The following SEPTIN11 variants were observed in gnomAD, a reference collection of about 807,000 sequenced individuals.
SEPTIN11 encodes the protein septin-11.
SEPTIN11 carries 25 observed loss-of-function variants against 51.4 expected under a neutral mutation model. That is an observed-to-expected ratio of 0.49 (90% CI 0.35 to 0.68). The LOEUF (loss-of-function observed/expected upper bound fraction) is 0.68, where lower values mean the gene tolerates loss of function less well. Among genes scored for constraint, SEPTIN11 ranks in the 30% least tolerant of loss-of-function variants. The pLI is 0.00. For missense variants in SEPTIN11, 381 were observed against 520.8 expected (o/e 0.73, Z 2.61); for synonymous variants, 174 against 184.1 (o/e 0.95, Z 0.44).
intron 7 of SEPTIN11, among the ~76,000 whole-genome samples, chr4:77,026,352 T>C (rs7690082): frequency 0.024 from 3,584 of 152,240 alleles, 149 homozygotes; most frequent in African/African-American, 0.082. Context: ...TCAAATCACA[T>C]GGGAAGCATT....
chr4:76,999,667 G>A (rs998703362), intron 2 of SEPTIN11, among the ~76,000 whole-genome samples: 4 of 152,200 alleles, frequency 2.6e-5, no homozygotes, highest in African/African-American at 4.8e-5. Context: ...ATAAAACAGG[G>A]CAGAAAATGG....
At chr4:76,968,291 T>G (rs1722109803) in intron 1 of SEPTIN11, among the ~76,000 whole-genome samples, 1 of 152,152 alleles carries the variant, frequency 6.6e-6, no homozygotes, top group African/African-American at 2.4e-5. Flanking sequence ...GGACCTTCCT[T>G]TAAGATGAGG....
At position 77,035,979 on chromosome 4, in the gene SEPTIN11, T is replaced by G. The variant is rs1411986217; in HGVS notation, c.*1467T>G. The G allele has an allele frequency of 1.0e-6, 1 of 985,790 alleles. No individual in the cohort carries two copies. The highest frequency in any genetic ancestry group is 1.7e-5 in the African/African-American group (1 of 57,246). The allele number at this position is 985,790 out of a possible 1,614,324, so 61.1% of individuals were successfully genotyped here. ...TGCATTTTCCTCACTGGTTAGAGAT[T>G]AAGTAAATAGGATAGAATATGCTGC... On this transcript the variant is annotated 3_prime_UTR_variant, in exon 10 of 10. Coordinates refer to ENST00000264893, the MANE Select transcript of SEPTIN11 (RefSeq NM_018243.4).
intron 1 of SEPTIN11, among the ~76,000 whole-genome samples, chr4:76,965,831 T>C (rs1451193038): frequency 2.0e-5 from 3 of 152,184 alleles, no homozygotes; most frequent in African/African-American, 7.2e-5. Flanking sequence ...CACGGTATCT[T>C]AGGATTTAAA....
intron 2 of SEPTIN11, among the ~76,000 whole-genome samples, chr4:77,005,331 C>G (rs991162359): frequency 1.3e-5 from 2 of 152,174 alleles, no homozygotes; most frequent in Non-Finnish European, 2.9e-5. Context: ...CTTACAAGTA[C>G]AATTTTTCTA....
chr4:76,991,582 A>AC (rs1309708520), intron 1 of SEPTIN11, among the ~76,000 whole-genome samples: 3 of 152,218 alleles, frequency 2.0e-5, no homozygotes, highest in Admixed American at 6.5e-5. Flanking sequence ...GGGCATAGAA[A>AC]CATTTATCCA....
intron 1 of SEPTIN11, among the ~76,000 whole-genome samples, chr4:76,987,169 C>G (rs1225469214): frequency 1.3e-5 from 2 of 152,180 alleles, no homozygotes; most frequent in Non-Finnish European, 2.9e-5. Context: ...TAGGGGCTGG[C>G]TCCTGGATGC....
rs1727184245 is a variant in SEPTIN11 at position 77,038,522 on chromosome 4, G to A, written c.*4010G>A. ...CAACATGCTTGGTAATTTGGCATCT[G>A]TTAAGGTAGGAGAGTGGTGAACAGA... is the stretch of plus-strand genomic sequence containing the variant. On this transcript the variant is annotated 3_prime_UTR_variant, in exon 10 of 10. Coordinates refer to ENST00000264893, the MANE Select transcript of SEPTIN11 (RefSeq NM_018243.4). The A allele has an allele frequency of 1.0e-6, 1 of 985,970 alleles. No individual in the cohort carries two copies. Among genetic ancestry groups the A allele is most frequent in the Non-Finnish European group, 1.2e-6 (1 of 830,096 alleles). The allele number at this position is 985,970 out of a possible 1,614,324, so 61.1% of individuals were successfully genotyped here.
chr4:77,028,484 A>G, intron 7 of SEPTIN11, 145 bp from the exon 8 acceptor site: 1 of 914,426 alleles, frequency 1.1e-6, no homozygotes, highest in East Asian at 2.5e-5. Context: ...ACTAAAAGCA[A>G]AACAGTGTCA....
intron 9 of SEPTIN11, among the ~76,000 whole-genome samples, chr4:77,033,649 G>A (rs531204715): frequency 6.6e-6 from 1 of 152,280 alleles, no homozygotes; most frequent in South Asian, 2.1e-4. Flanking sequence ...GACTGCCCAG[G>A]GGTAAGTTGG....
chr4:77,014,867 T>A lies in SEPTIN11; in HGVS notation c.537T>A (p.Ile179=). 1 of 1,614,012 alleles carries A rather than the reference T, an allele frequency of 6.2e-7. No homozygotes were observed. Among genetic ancestry groups the A allele is most frequent in the Non-Finnish European group, 8.5e-7 (1 of 1,179,958 alleles). ...MKKLDSKVNI[I]PIIAKADTIA... ...TGTCTGTTTTACAGGTGAACATCAT[T>A]CCAATAATTGCAAAAGCTGACACCA... Residue 179 remains isoleucine (I), a synonymous_variant, in exon 5 of 10, where the codon ATT becomes ATA. Transcript: ENST00000264893.
chr4:76,950,040 G>GGCA (rs1721255802), intron 1 of SEPTIN11, 110 bp downstream of exon 1: 4 of 1,169,650 alleles, frequency 3.4e-6, no homozygotes, highest in East Asian at 3.2e-5. Context: ...GCCCCGCGGC[G>GGCA]GCGGCGACGG....
chr4:76,961,737 T>C (rs1340636998), intron 1 of SEPTIN11, among the ~76,000 whole-genome samples: 2 of 152,180 alleles, frequency 1.3e-5, no homozygotes, highest in Non-Finnish European at 2.9e-5. Context: ...GCATTTGAAG[T>C]GTGGTTTTTA....
In SEPTIN11 at chr4:77,030,768, T is replaced by C. The variant is rs1726566723; in HGVS notation, c.1087-15T>C. The C allele has an allele frequency of 6.3e-7, 1 of 1,577,824 alleles. No homozygotes were observed. The highest frequency in any genetic ancestry group is 8.5e-7 in the Non-Finnish European group (1 of 1,170,312). On this transcript the variant is annotated splice_polypyrimidine_tract_variant and intron_variant, in intron 8 of 9. Coordinates refer to ENST00000264893, the MANE Select transcript of SEPTIN11 (RefSeq NM_018243.4). ...TTCATTCCATTCACCAAGCCTGTTT[T>C]CTTTTTCTCTCCAGCTTCACGAGAA...
intron 1 of SEPTIN11, among the ~76,000 whole-genome samples, chr4:76,972,063 G>C (rs921285805): frequency 1.3e-5 from 2 of 152,124 alleles, no homozygotes; most frequent in Admixed American, 6.5e-5. Flanking sequence ...CTTTTTATGT[G>C]GTTATTGGCC....
At chr4:77,007,241 T>C (rs1167335974) in intron 3 of SEPTIN11, among the ~76,000 whole-genome samples, 1 of 152,190 alleles carries the variant, frequency 6.6e-6, no homozygotes, top group Non-Finnish European at 1.5e-5. Flanking sequence ...GGGGTTTCAA[T>C]CATTGCATAC....
chr4:76,980,537 C>T (rs1043524760), intron 1 of SEPTIN11, among the ~76,000 whole-genome samples: 3 of 152,144 alleles, frequency 2.0e-5, no homozygotes, highest in African/African-American at 7.2e-5. Flanking sequence ...TAAGTGTGTA[C>T]ATTTGGTGCA....
chr4:77,023,266 G>C (rs926397288), intron 7 of SEPTIN11, among the ~76,000 whole-genome samples: 7 of 91,684 alleles, frequency 7.6e-5, no homozygotes, highest in Admixed American at 4.8e-4. Context: ...AAGGGAAAAT[G>C]TATACACACA....
At chr4:77,022,680 C>T (rs1725801837) in intron 7 of SEPTIN11, among the ~76,000 whole-genome samples, 1 of 152,156 alleles carries the variant, frequency 6.6e-6, no homozygotes, top group African/African-American at 2.4e-5. Flanking sequence ...GAACTGCCTG[C>T]AAAAGTTAGA....
Sources: gnomAD v4.1 joint callset for allele counts (sites outside exome capture counted in the v4.1 genomes callset) on GRCh38, gnomAD v4.1.1 for gene constraint, MANE v1.5 for transcripts, NCBI Gene and HGNC (gene_info 2026-07-23, HGNC 2026-07-21) for gene names.